Variants in ST6GALNAC3 observed in about 807,000 individuals in gnomAD.
The protein encoded by ST6GALNAC3 is ST6 N-acetylgalactosaminide alpha-2,6-sialyltransferase 3.
ST6GALNAC3 carries 25 observed loss-of-function variants against 32.7 expected under a neutral mutation model. The ratio of observed to expected loss-of-function variants is 0.76; its 90% CI spans 0.56 to 1.07. The LOEUF (loss-of-function observed/expected upper bound fraction) is 1.07, where lower values mean the gene tolerates loss of function less well. ST6GALNAC3 is among the 50% of genes least tolerant of loss of function. The pLI is 0.00. For synonymous variants in ST6GALNAC3, 129 were observed against 133.1 expected, an observed-to-expected ratio of 0.97 and a Z score of 0.21; for missense variants, 355 against 382.4, an observed-to-expected ratio of 0.93 and a Z score of 0.60.
At position 76,126,140 on chromosome 1, in the gene ST6GALNAC3, C is replaced by G. The variant is rs528514390; in HGVS notation, c.18+51256C>G. ...TTTTAGAGGTCTGTCTCAAGAGTCT[C>G]GCTGATAAGGAAGTTACTTCAAATA... is the stretch of plus-strand genomic sequence containing the variant. On this transcript the variant is annotated intron_variant, in intron 1 of 4. Transcript: ENST00000328299. 3.9e-5 allele frequency among the ~76,000 whole-genome samples: 6 copies of G among 152,268 alleles called. No homozygotes were observed. The East Asian group carries it at 1.2e-3, about 29-fold the overall frequency.
At position 76,198,064 on chromosome 1, in the gene ST6GALNAC3, G is replaced by T. The variant is rs527599424; in HGVS notation, c.19-115741G>T. ...ATTTGTTTGTTTGTTCTGAGACAGGGTCTCACTGTGTCACCTAGGCTGGAG... is the reference window on the plus strand; with the variant it reads ...ATTTGTTTGTTTGTTCTGAGACAGGTTCTCACTGTGTCACCTAGGCTGGAG... On this transcript the variant is annotated intron_variant, in intron 1 of 4. Coordinates refer to ENST00000328299, the MANE Select transcript of ST6GALNAC3 (RefSeq NM_152996.4). 5.6e-4 allele frequency among the ~76,000 whole-genome samples: 85 copies of T among 152,188 alleles called. 1 individual carries two copies. In the South Asian group the frequency reaches 0.016, roughly 29 times the overall value.
chr1:76,108,854 TA>T (rs1157578410), intron 1 of ST6GALNAC3, among the ~76,000 whole-genome samples: 1 of 135,506 alleles, frequency 7.4e-6, no homozygotes, highest in Non-Finnish European at 1.6e-5. Flanking sequence ...CTGAAATCTG[TA>T]GACATAGTGT....
chr1:76,463,975 C>T (rs1489157202), intron 3 of ST6GALNAC3, among the ~76,000 whole-genome samples: 1 of 152,108 alleles, frequency 6.6e-6, no homozygotes, highest in Non-Finnish European at 1.5e-5. Context: ...AAAGTCACAG[C>T]TTCATTCAGG....
intron 1 of ST6GALNAC3, among the ~76,000 whole-genome samples, chr1:76,304,959 C>A (rs1410881975): frequency 3.9e-5 from 6 of 151,950 alleles, no homozygotes; most frequent in Admixed American, 3.3e-4. Context: ...ACCAATGAAG[C>A]CTATAAGGTA....
chr1:76,424,949 T>C (rs951134603), intron 3 of ST6GALNAC3, among the ~76,000 whole-genome samples: 1 of 151,980 alleles, frequency 6.6e-6, no homozygotes, highest in African/African-American at 2.4e-5. Flanking sequence ...TCCGTGATAT[T>C]TGCAATGCTT....
At chr1:76,122,235 G>A (rs1416701829) in intron 1 of ST6GALNAC3, among the ~76,000 whole-genome samples, 3 of 152,200 alleles carry the variant, frequency 2.0e-5, no homozygotes, top group Admixed American at 2.0e-4. Context: ...AGTATGTAGA[G>A]GAAACCTGAA....
At chr1:76,212,711 C>T (rs1655239219) in intron 1 of ST6GALNAC3, among the ~76,000 whole-genome samples, 1 of 152,030 alleles carries the variant, frequency 6.6e-6, no homozygotes, top group African/African-American at 2.4e-5. Flanking sequence ...CTTTGAAATT[C>T]AGGTGGTTGA....
intron 1 of ST6GALNAC3, among the ~76,000 whole-genome samples, chr1:76,133,877 G>C (rs150914041): frequency 1.0e-3 from 157 of 152,318 alleles, no homozygotes; most frequent in African/African-American, 3.5e-3. Flanking sequence ...TCTACTTACA[G>C]AATGACAAGA....
intron 2 of ST6GALNAC3, among the ~76,000 whole-genome samples, chr1:76,352,777 T>C (rs989651802): frequency 5.3e-5 from 8 of 152,278 alleles, no homozygotes; most frequent in African/African-American, 1.9e-4. Flanking sequence ...TCTTCACATC[T>C]GTTCTACATT....
chr1:76,299,942 T>A (rs1660632300), intron 1 of ST6GALNAC3, among the ~76,000 whole-genome samples: 1 of 152,026 alleles, frequency 6.6e-6, no homozygotes, highest in African/African-American at 2.4e-5. Flanking sequence ...ATACCAGGTT[T>A]CAACAAACTG....
chr1:76,612,852 G>A (rs989598508), intron 3 of ST6GALNAC3, among the ~76,000 whole-genome samples: 7 of 152,190 alleles, frequency 4.6e-5, no homozygotes, highest in Admixed American at 1.3e-4. Flanking sequence ...AAACTGAAAA[G>A]TGGCCTTCTG....
intron 1 of ST6GALNAC3, among the ~76,000 whole-genome samples, chr1:76,303,501 G>A (rs777019271): frequency 2.0e-5 from 3 of 151,994 alleles, no homozygotes; most frequent in Non-Finnish European, 4.4e-5. Context: ...GAGTCTACCG[G>A]TACACCCCTG....
At chr1:76,429,941 A>G (rs141288400) in intron 3 of ST6GALNAC3, among the ~76,000 whole-genome samples, 1,735 of 152,274 alleles carry the variant, frequency 0.011, 32 homozygotes, top group African/African-American at 0.04. Flanking sequence ...AAGAGGACTC[A>G]TTCACTTCCA....
At chr1:76,112,414 G>T (rs1260439564) in intron 1 of ST6GALNAC3, among the ~76,000 whole-genome samples, 3 of 139,090 alleles carry the variant, frequency 2.2e-5, no homozygotes, top group Non-Finnish European at 3.0e-5. Flanking sequence ...CTGGCCGGGC[G>T]GGGGGCTAAC....
At chr1:76,414,783 C>A (rs1353946064) in intron 3 of ST6GALNAC3, among the ~76,000 whole-genome samples, 1 of 151,926 alleles carries the variant, frequency 6.6e-6, no homozygotes, top group African/African-American at 2.4e-5. Flanking sequence ...TTGGTGTATA[C>A]CTCTAAAAGA....
intron 3 of ST6GALNAC3, among the ~76,000 whole-genome samples, chr1:76,551,179 C>T (rs1664606533): frequency 6.6e-6 from 1 of 152,142 alleles, no homozygotes; most frequent in African/African-American, 2.4e-5. Flanking sequence ...GTCACTTCTA[C>T]CCTTTCTTCT....
At chr1:76,301,794 G>T (rs1412533200) in intron 1 of ST6GALNAC3, among the ~76,000 whole-genome samples, 1 of 151,844 alleles carries the variant, frequency 6.6e-6, no homozygotes, top group Admixed American at 6.6e-5. Context: ...GGTGGGATAT[G>T]CCTGCATGAG....
chr1:76,210,821 A>T (rs986757601), intron 1 of ST6GALNAC3, among the ~76,000 whole-genome samples: 2 of 152,066 alleles, frequency 1.3e-5, no homozygotes, highest in South Asian at 4.1e-4. Flanking sequence ...ATCTCAGCTC[A>T]CTGCAACCTC....
intron 1 of ST6GALNAC3, among the ~76,000 whole-genome samples, chr1:76,177,285 A>AT (rs1016653358): frequency 2.6e-5 from 4 of 152,134 alleles, no homozygotes; most frequent in Non-Finnish European, 5.9e-5. Context: ...GCCAGGTCTC[A>AT]TTTTCTAGGA....
Sources: gnomAD v4.1 joint callset for allele counts (sites outside exome capture counted in the v4.1 genomes callset) on GRCh38, gnomAD v4.1.1 for gene constraint, MANE v1.5 for transcripts, NCBI Gene and HGNC (gene_info 2026-07-23, HGNC 2026-07-21) for gene names.